Variants in GLIS1 observed in about 807,000 individuals in gnomAD.
The protein encoded by GLIS1 is GLIS family zinc finger 1.
Under a neutral mutation model 63.8 loss-of-function variants are expected in GLIS1, and 24 were observed. The ratio of observed to expected loss-of-function variants is 0.38; its 90% CI spans 0.27 to 0.53. The LOEUF is 0.53. Ranked by LOEUF, GLIS1 falls within the 20% of genes least tolerant of loss-of-function variation. The pLI, the probability that GLIS1 is intolerant of heterozygous loss-of-function variation, is 0.85. For synonymous variants in GLIS1, 450 were observed against 482.5 expected (o/e 0.93, Z 0.88); for missense variants, 1,036 against 1,074.1 (o/e 0.96, Z 0.50).
At chr1:53,626,717 T>C (rs1227361550) in intron 2 of GLIS1, among the ~76,000 whole-genome samples, 1 of 152,182 alleles carries the variant, frequency 6.6e-6, no homozygotes, top group East Asian at 1.9e-4. Context: ...GAGGCCCAGC[T>C]TCAGTGATGC....
intron 2 of GLIS1, among the ~76,000 whole-genome samples, chr1:53,700,056 C>T (rs57547876): frequency 0.012 from 1,874 of 152,290 alleles, 31 homozygotes; most frequent in African/African-American, 0.043. Context: ...TGACCCAAAG[C>T]CAGGACTCTG....
intron 2 of GLIS1, among the ~76,000 whole-genome samples, chr1:53,715,036 C>T (rs1342439426): frequency 6.6e-6 from 1 of 152,234 alleles, no homozygotes; most frequent in African/African-American, 2.4e-5. Context: ...CCTGCCTCAG[C>T]CTCCCAAGTA....
At chr1:53,515,942 A>G (rs496126) in intron 7 of GLIS1, among the ~76,000 whole-genome samples, 137,868 of 152,058 alleles carry the variant, frequency 0.91, 62,604 homozygotes, top group East Asian at 1. Flanking sequence ...TCTCTCTAGG[A>G]AGTGGCCAGT....
chr1:53,554,804 G>A (rs774793466), intron 4 of GLIS1, among the ~76,000 whole-genome samples: 5 of 152,220 alleles, frequency 3.3e-5, no homozygotes, highest in Non-Finnish European at 7.4e-5. Flanking sequence ...GTGGGGCTCA[G>A]AACAGCTGCC....
intron 5 of GLIS1, among the ~76,000 whole-genome samples, chr1:53,528,152 G>A (rs1220355741): frequency 6.6e-6 from 1 of 152,178 alleles, no homozygotes; most frequent in African/African-American, 2.4e-5. Context: ...CGGGCCCCTT[G>A]GGCTGAAAAG....
intron 2 of GLIS1, among the ~76,000 whole-genome samples, chr1:53,668,522 C>G (rs1029125403): frequency 6.6e-6 from 1 of 152,154 alleles, no homozygotes; most frequent in Admixed American, 6.5e-5. Flanking sequence ...CCACCATGCC[C>G]GGCTAATTTT....
intron 7 of GLIS1, among the ~76,000 whole-genome samples, chr1:53,516,431 C>T (rs1438724135): frequency 6.6e-6 from 1 of 151,770 alleles, no homozygotes; most frequent in Non-Finnish European, 1.5e-5. Context: ...GGCAGCATGG[C>T]GGGGAGCAAA....
intron 2 of GLIS1, among the ~76,000 whole-genome samples, chr1:53,624,847 A>G (rs545402328): frequency 6.6e-6 from 1 of 152,370 alleles, no homozygotes; most frequent in South Asian, 2.1e-4. Flanking sequence ...CTCATAACTT[A>G]ATAATAAAAT....
chr1:53,688,509 C>T (rs780649145), intron 2 of GLIS1, among the ~76,000 whole-genome samples: 7 of 152,176 alleles, frequency 4.6e-5, no homozygotes, highest in African/African-American at 1.4e-4. Flanking sequence ...GGGCCAAATG[C>T]CCCCTCCTCC....
chr1:53,514,870 G>C, intron 7 of GLIS1, 89 bp from the exon 8 acceptor site: 1 of 1,397,256 alleles, frequency 7.2e-7, no homozygotes, highest in Non-Finnish European at 9.6e-7. Flanking sequence ...CCTGATGATG[G>C]AGAAATAAAG....
intron 2 of GLIS1, among the ~76,000 whole-genome samples, chr1:53,653,072 C>T (rs1348251876): frequency 6.6e-6 from 1 of 150,610 alleles, no homozygotes; most frequent in African/African-American, 2.4e-5. Context: ...GGTGCATCTC[C>T]TGTGGGCAGG....
At chr1:53,588,291 T>G (rs942991654) in intron 4 of GLIS1, among the ~76,000 whole-genome samples, 1 of 152,166 alleles carries the variant, frequency 6.6e-6, no homozygotes. Flanking sequence ...CACAACATCT[T>G]CATCTCTGCA....
At chr1:53,536,308 G>T (rs1347139066) in intron 4 of GLIS1, among the ~76,000 whole-genome samples, 1 of 152,116 alleles carries the variant, frequency 6.6e-6, no homozygotes, top group Non-Finnish European at 1.5e-5. Context: ...GGAAAAGCAG[G>T]CATGTATAAC....
At chr1:53,707,322 A>G (rs1646589718) in intron 2 of GLIS1, among the ~76,000 whole-genome samples, 1 of 152,200 alleles carries the variant, frequency 6.6e-6, no homozygotes, top group African/African-American at 2.4e-5. Context: ...AGCAGTTAAC[A>G]ACAACATGTT....
At position 53,510,035 on chromosome 1, in the gene GLIS1, G is replaced by A; in HGVS notation, c.1884-8C>T. 7.9e-7 allele frequency: 1 copy of A among 1,260,208 alleles called. No homozygotes were observed. The highest frequency in any genetic ancestry group is 1.0e-6 in the Non-Finnish European group (1 of 994,782). The allele number at this position is 1,260,208 out of a possible 1,614,324, so 78.1% of individuals were successfully genotyped here. On this transcript the variant is annotated splice_region_variant and splice_polypyrimidine_tract_variant and intron_variant, in intron 8 of 10. Transcript: ENST00000628545. The stretch of plus-strand genomic sequence containing the variant: ...AGGAGGCCGGGCCCCAACCTGGAGA[G>A]AACAGAGGTGCCCATCAGCAGGCAG...
At chr1:53,556,779 G>A (rs1308544206) in intron 4 of GLIS1, among the ~76,000 whole-genome samples, 3 of 148,126 alleles carry the variant, frequency 2.0e-5, no homozygotes, top group African/African-American at 7.5e-5. Context: ...CAGGCATACT[G>A]CAGGTATGTG....
intron 2 of GLIS1, among the ~76,000 whole-genome samples, chr1:53,627,116 T>A (rs1242031983): frequency 1.3e-5 from 2 of 152,296 alleles, no homozygotes; most frequent in East Asian, 3.9e-4. Flanking sequence ...ACAGCCCCAG[T>A]TAGCATGAAT....
intron 2 of GLIS1, among the ~76,000 whole-genome samples, chr1:53,645,624 G>A (rs1645836336): frequency 6.6e-6 from 1 of 152,206 alleles, no homozygotes; most frequent in Non-Finnish European, 1.5e-5. Flanking sequence ...CACAACCCTT[G>A]GGGTACAGGC....
At chr1:53,555,982 GGTGT>G (rs561229120) in intron 4 of GLIS1, among the ~76,000 whole-genome samples, 90 of 121,812 alleles carry the variant, frequency 7.4e-4, no homozygotes, top group African/African-American at 2.4e-3. Context: ...GTATACTGCA[GGTGT>G]GTGTGTGTGC....
Sources: allele counts gnomAD v4.1 joint callset (sites outside exome capture counted in the v4.1 genomes callset), GRCh38; gene constraint gnomAD v4.1.1; transcripts MANE v1.5; gene names NCBI Gene and HGNC (gene_info 2026-07-23, HGNC 2026-07-21).